The following AMOT variants were observed in gnomAD, a reference collection of about 807,000 sequenced individuals.
The protein encoded by AMOT is angiomotin.
In AMOT, 11 loss-of-function variants were observed where a neutral mutation model predicts 67.0. The observed-to-expected ratio is 0.16, with a 90% CI of 0.10 to 0.27. The LOEUF (loss-of-function observed/expected upper bound fraction) is 0.27. AMOT is among the 10% of genes least tolerant of loss of function. AMOT has a pLI of 1.00. For missense variants in AMOT, 753 were observed against 852.0 expected (o/e 0.88, Z 1.45); for synonymous variants, 326 against 321.4 (o/e 1.01, Z -0.15).
chrX:112,791,434 T>C (rs1473456379), intron 9 of AMOT, among the ~76,000 whole-genome samples: 1 of 111,823 alleles, frequency 8.9e-6, no homozygotes, highest in Non-Finnish European at 1.9e-5. Flanking sequence ...TAGTGACTCA[T>C]GCCAACTTTT....
rs192258225 is a variant in AMOT at position 112,823,159 on chromosome X, G to A, written c.-33C>T. On this transcript the variant is annotated 5_prime_UTR_variant, in exon 4 of 14. Coordinates refer to ENST00000371959, the MANE Select transcript of AMOT (RefSeq NM_001113490.2). ...GCTGGTGGTGCCTTGTGAAGAGAGA[G>A]AGAAATTGGGCACCTGGGCTGCCCT... 72 of 1,124,361 alleles carry A rather than the reference G, an allele frequency of 6.4e-5. No individual in the cohort carries two copies. The East Asian group carries it at 2.0e-3, about 30-fold the overall frequency. The allele number at this position is 1,124,361 out of a possible 1,213,427, so 92.7% of individuals were successfully genotyped here.
At chrX:112,837,183 G>A (rs758845011) in intron 1 of AMOT, among the ~76,000 whole-genome samples, 2 of 112,262 alleles carry the variant, frequency 1.8e-5, no homozygotes, top group South Asian at 3.7e-4. Flanking sequence ...GCTTTCTTCT[G>A]CAAGCAGTTG....
At chrX:112,813,765 C>G (rs1172564001) in intron 5 of AMOT, among the ~76,000 whole-genome samples, 1 of 111,577 alleles carries the variant, frequency 9.0e-6, no homozygotes, top group Non-Finnish European at 1.9e-5. Flanking sequence ...GAGGGGGTGT[C>G]AACTGTTAGC....
In AMOT at chrX:112,832,310, T is replaced by TC. The variant is rs1260203934; in HGVS notation, c.-229_-228insG. Reference sequence around the variant, plus strand: ...TATTATTACCTTTAGTTTCTCAGCCTTCCTTCTAAGGAGACAAAAGCTCTT... The same window carrying TC: ...TATTATTACCTTTAGTTTCTCAGCCTCTCCTTCTAAGGAGACAAAAGCTCTT... On this transcript the variant is annotated 5_prime_UTR_variant, in exon 2 of 14. Coordinates refer to ENST00000371959, the MANE Select transcript of AMOT (RefSeq NM_001113490.2). 1 of 112,165 alleles carries TC rather than the reference T, an allele frequency of 8.9e-6. No homozygotes were observed. Among genetic ancestry groups the TC allele is most frequent in the Non-Finnish European group, 1.9e-5 (1 of 53,290 alleles). 9.2% of individuals were successfully genotyped at this position (112,165 alleles called of 1,213,427 possible). A position where few individuals can be genotyped will look rare whatever the true frequency, so the allele number is the denominator to read the frequency against.
At position 112,779,611 on chromosome X, in the gene AMOT, G is replaced by A; in HGVS notation, c.2543C>T (p.Thr848Ile). The change falls in exon 13 of 14, where the codon ACT becomes ATT. Residue 848 changes from threonine (T) to isoleucine (I), a missense_variant. Coordinates refer to ENST00000371959, the MANE Select transcript of AMOT (RefSeq NM_001113490.2). ...CTTGGAGTGAGCCGAGAGCAGGGGA[G>A]TCGAGGGTGGCACAGGCGAGGGTGT... ...PSTPSPVPPS[T>I]PLLSAHSKTG... is the part of the protein sequence containing the mutation. 2.5e-6 allele frequency: 3 copies of A among 1,211,115 alleles called. No individual in the cohort carries two copies. Among genetic ancestry groups the A allele is most frequent in the Non-Finnish European group, 3.4e-6 (3 of 895,430 alleles).
intron 10 of AMOT, among the ~76,000 whole-genome samples, chrX:112,788,298 A>G (rs1449479739): frequency 1.8e-5 from 2 of 110,507 alleles, no homozygotes; most frequent in Non-Finnish European, 3.8e-5. Context: ...CAAAAAAAAA[A>G]AAAAATTATT....
At chrX:112,831,496 G>T (rs986356848) in intron 2 of AMOT, among the ~76,000 whole-genome samples, 1 of 101,606 alleles carries the variant, frequency 9.8e-6, no homozygotes, top group South Asian at 4.4e-4. Context: ...AATAAAAAGA[G>T]AGCCCAGTAC....
chrX:112,789,616 C>T (rs1287646987), intron 10 of AMOT, among the ~76,000 whole-genome samples: 1 of 111,062 alleles, frequency 9.0e-6, no homozygotes, highest in Non-Finnish European at 1.9e-5. Context: ...TATCCACTGC[C>T]CACTCCACAT....
At chrX:112,807,412 C>T (rs910017386) in intron 7 of AMOT, among the ~76,000 whole-genome samples, 1 of 110,423 alleles carries the variant, frequency 9.1e-6, no homozygotes, top group Non-Finnish European at 1.9e-5. Flanking sequence ...ACCTACAAGT[C>T]ACACTAAAAG....
intron 3 of AMOT, among the ~76,000 whole-genome samples, chrX:112,824,592 C>T (rs1934796416): frequency 9.0e-6 from 1 of 111,314 alleles, no homozygotes; most frequent in African/African-American, 3.3e-5. Context: ...TGCTACCTGG[C>T]TTCCAACTGT....
rs1932958868 is a variant in AMOT, at chrX:112,777,089, A to G, written c.*1478T>C. On this transcript the variant is annotated 3_prime_UTR_variant, in exon 14 of 14. Coordinates refer to ENST00000371959, the MANE Select transcript of AMOT (RefSeq NM_001113490.2). ...ATATATCAGGCCTACTCTTCTATTA[A>G]TCTGGTTTCTAACTAAGACATCCCA... 9.0e-6 allele frequency: 1 copy of G among 110,795 alleles called. No individual in the cohort carries two copies. Among genetic ancestry groups the G allele is most frequent in the African/African-American group, 3.3e-5 (1 of 30,451 alleles). The allele number at this position is 110,795 out of a possible 1,213,427, so 9.1% of individuals were successfully genotyped here.
chrX:112,822,276 G>A lies in AMOT; in HGVS notation c.851C>T (p.Pro284Leu). Residue 284 changes from proline (P) to leucine (L), a missense_variant, in exon 4 of 14, where the codon CCC becomes CTC. Physicochemically the swap from Pro to Leu is moderately conservative, Grantham distance 98. Coordinates refer to ENST00000371959, the MANE Select transcript of AMOT (RefSeq NM_001113490.2). ...TTACCTGGCTGCTCCATACTCAGGG[G>A]GATGCTGATACCTCATCAGTTGCCC... Reference protein sequence around the residue: ...TEGQLMRYQHPPEYGAARPAQ... With the variant: ...TEGQLMRYQHLPEYGAARPAQ... 9.0e-7 allele frequency: 1 copy of A among 1,105,857 alleles called. No homozygotes were observed. The highest frequency in any genetic ancestry group is 1.2e-6 in the Non-Finnish European group (1 of 843,305). 91.1% of individuals were successfully genotyped at this position (1,105,857 alleles called of 1,213,427 possible). A position where few individuals can be genotyped will look rare whatever the true frequency, so the allele number is the denominator to read the frequency against.
Position 112,778,664 on chromosome X carries a change from T to C in AMOT, c.3158A>G (p.Asp1053Gly). Reference sequence around the variant, plus strand: ...AGTATTGGAGTGGAACACAGGCCCATCTAAATGGAAATAAGGGTTAGAAAA... The same window carrying C: ...AGTATTGGAGTGGAACACAGGCCCACCTAAATGGAAATAAGGGTTAGAAAA... ...PSLTCNPDKT[D>G]GPVFHSNTLE... Residue 1053 changes from aspartate (D) to glycine (G), a missense_variant and splice_region_variant, in exon 14 of 14, where the codon GAT (aspartate) becomes GGT (glycine). By Grantham distance (94) the Asp-to-Gly change is moderately conservative. Around this residue, in one of 5 missense-constraint regions of AMOT, gnomAD observed 269 missense variants for 300.9 expected, o/e 0.89. Coordinates refer to ENST00000371959, the MANE Select transcript of AMOT (RefSeq NM_001113490.2). 1.7e-6 allele frequency: 2 copies of C among 1,187,197 alleles called. No individual in the cohort carries two copies. Among genetic ancestry groups the C allele is most frequent in the East Asian group, 3.0e-5 (1 of 33,535 alleles).
At chrX:112,788,243 A>T (rs904609785) in intron 10 of AMOT, among the ~76,000 whole-genome samples, 5 of 108,732 alleles carry the variant, frequency 4.6e-5, no homozygotes, top group Non-Finnish European at 7.6e-5. Context: ...GAGCCGAGAT[A>T]GCACCACTGC....
chrX:112,783,125 T>C (rs10482459), intron 10 of AMOT, among the ~76,000 whole-genome samples: 10,860 of 108,519 alleles, frequency 0.1, 488 homozygotes, highest in South Asian at 0.21. Flanking sequence ...AGAAACCCTG[T>C]CTCTACTAAA....
chrX:112,778,616 T>G lies in AMOT; in HGVS notation c.3206A>C (p.Gln1069Pro). ...SNTLERKTPI[Q>P]ILGQEPDAEM... ...TGCATCAGGCTCTTGTCCCAGGATCTGAATGGGAGTTTTTCTTTCCAGAGT... is the reference window on the plus strand; with the variant it reads ...TGCATCAGGCTCTTGTCCCAGGATCGGAATGGGAGTTTTTCTTTCCAGAGT... Residue 1069 changes from glutamine to proline, a missense_variant, in exon 14 of 14, where the codon CAG becomes CCG. Coordinates refer to ENST00000371959, the MANE Select transcript of AMOT (RefSeq NM_001113490.2). 1 of 1,208,687 alleles carries G rather than the reference T, an allele frequency of 8.3e-7. No individual in the cohort carries two copies. Among genetic ancestry groups the G allele is most frequent in the Middle Eastern group, 2.3e-4 (1 of 4,346 alleles).
intron 5 of AMOT, among the ~76,000 whole-genome samples, chrX:112,811,771 G>A (rs748870464): frequency 6.3e-5 from 7 of 111,154 alleles, no homozygotes; most frequent in African/African-American, 2.3e-4. Context: ...GCATTCAAAG[G>A]GCTTTCACAT....
rs1173234654 is a variant in AMOT at position 112,779,258 on chromosome X, C to T, written c.2896G>A (p.Ala966Thr). ...GCTGGAGCAACCTGAACAGCAGCAG[C>T]AGCAGCAGCAGAAGGAGCAACGGCA... ...AAAVAPSAAA[A>T]AAVQVAPAAP... The change falls in exon 13 of 14, where the codon GCT becomes ACT. Residue 966 changes from alanine (A) to threonine (T), a missense_variant. Coordinates refer to ENST00000371959, the MANE Select transcript of AMOT (RefSeq NM_001113490.2). 3.1e-6 allele frequency: 2 copies of T among 638,871 alleles called. No homozygotes were observed. The highest frequency in any genetic ancestry group is 2.2e-5 in the African/African-American group (1 of 46,329). The allele number at this position is 638,871 out of a possible 1,213,427, so 52.7% of individuals were successfully genotyped here. A position where few individuals can be genotyped will look rare whatever the true frequency, so the allele number is the denominator to read the frequency against.
At chrX:112,784,838 G>A (rs1933315905) in intron 10 of AMOT, among the ~76,000 whole-genome samples, 1 of 112,129 alleles carries the variant, frequency 8.9e-6, no homozygotes, top group Admixed American at 9.4e-5. Context: ...CTGGGGAACT[G>A]AGCATACGGT....
Sources: allele counts gnomAD v4.1 joint callset (sites outside exome capture counted in the v4.1 genomes callset), GRCh38; gene constraint gnomAD v4.1.1; regional missense constraint gnomAD v4.1.1; transcripts MANE v1.5; gene names NCBI Gene and HGNC (gene_info 2026-07-23, HGNC 2026-07-21).